CFAP70: variants seen among roughly 807,000 people sequenced by gnomAD.
The protein encoded by CFAP70 is cilia- and flagella-associated protein 70.
In CFAP70, 81 loss-of-function variants were observed where a neutral mutation model predicts 137.6. That is an observed-to-expected ratio of 0.59 (90% confidence interval 0.49 to 0.71). The LOEUF is 0.71. CFAP70 is among the 30% of genes least tolerant of loss of function. The pLI is 0.00. For synonymous variants in CFAP70, 382 were observed against 423.6 expected, an observed-to-expected ratio of 0.90 and a Z score of 1.20; for missense variants, 976 against 1,226.7, an observed-to-expected ratio of 0.80 and a Z score of 3.05.
chr10:73,336,650 C>A (rs2052700186), intron 6 of CFAP70, among the ~76,000 whole-genome samples: 1 of 141,072 alleles, frequency 7.1e-6, no homozygotes, highest in Admixed American at 7.6e-5. Flanking sequence ...GTGGCGCGAT[C>A]TCGGCTCACT....
intron 8 of CFAP70, among the ~76,000 whole-genome samples, chr10:73,329,855 T>C (rs764442298): frequency 1.3e-5 from 2 of 152,174 alleles, no homozygotes; most frequent in Admixed American, 6.6e-5. Context: ...TGTATTTATC[T>C]TGGTTCAAAA....
intron 19 of CFAP70, among the ~76,000 whole-genome samples, chr10:73,281,106 A>T (rs1043379111): frequency 1.3e-5 from 2 of 152,164 alleles, no homozygotes; most frequent in African/African-American, 4.8e-5. Context: ...TGCTATCATT[A>T]TCATTAAGTT....
Position 73,314,781 on chromosome 10 carries a change from T to C in CFAP70, c.913-2138A>G, listed in dbSNP as rs183456733. Among the ~76,000 whole-genome samples, 328 of 152,058 alleles carry C rather than the reference T, an allele frequency of 2.2e-3. 1 individual carries two copies. Among genetic ancestry groups the C allele is most frequent in the Middle Eastern group, 0.01 (3 of 292 alleles). Reference sequence around the variant, plus strand: ...GCCACCACCCCAGCTAATTTTTGTATTTTTTGTAAAGATAGGGTCTCACCA... The same window carrying C: ...GCCACCACCCCAGCTAATTTTTGTACTTTTTGTAAAGATAGGGTCTCACCA... On this transcript the variant is annotated intron_variant, in intron 9 of 26. Coordinates refer to ENST00000310715, the Ensembl canonical transcript of CFAP70.
At chr10:73,258,895 T>TG (rs2044823804) in intron 25 of CFAP70, among the ~76,000 whole-genome samples, 3 of 152,202 alleles carry the variant, frequency 2.0e-5, no homozygotes, top group Admixed American at 2.0e-4. Flanking sequence ...TCTCAAACCC[T>TG]GTCTCCTGAT....
chr10:73,325,617 G>A (rs1160646753), intron 8 of CFAP70, among the ~76,000 whole-genome samples: 1 of 152,004 alleles, frequency 6.6e-6, no homozygotes, highest in East Asian at 1.9e-4. Context: ...ACACACATAG[G>A]CTCAAAATAA....
At chr10:73,278,283 A>G in exon 20 of CFAP70, 1 of 1,614,022 alleles carries the variant, frequency 6.2e-7, no homozygotes, top group Non-Finnish European at 8.5e-7. Flanking sequence ...ATCAGACTGC[A>G]GTTTGGAGGA....
exon 23 of CFAP70, chr10:73,274,517 T>C (rs1214521560): frequency 1.2e-6 from 2 of 1,614,196 alleles, no homozygotes; most frequent in South Asian, 2.2e-5. Context: ...TAATGGTTCG[T>C]TCATAGCATG....
chr10:73,299,631 T>C, exon 13 of CFAP70: 1 of 1,613,074 alleles, frequency 6.2e-7, no homozygotes, highest in Non-Finnish European at 8.5e-7. Context: ...GTCCGACGGG[T>C]AAGAGGAGGC....
At chr10:73,253,856 G>A (rs769463293) in exon 27 of CFAP70, 37 of 681,458 alleles carry the variant, frequency 5.4e-5, no homozygotes, top group Non-Finnish European at 7.8e-5. Context: ...TAAATGAATG[G>A]GTCTCTGTTT....
At chr10:73,303,268 A>G (rs1318750345) in intron 12 of CFAP70, among the ~76,000 whole-genome samples, 2 of 151,976 alleles carry the variant, frequency 1.3e-5, no homozygotes, top group African/African-American at 4.8e-5. Flanking sequence ...CCCAGGCTGG[A>G]GTGCAGTGGC....
At chr10:73,356,489 G>A (rs1410942080) in intron 1 of CFAP70, among the ~76,000 whole-genome samples, 1 of 152,176 alleles carries the variant, frequency 6.6e-6, no homozygotes, top group African/African-American at 2.4e-5. Context: ...ATGAGCCACT[G>A]TGCCTGTTGA....
exon 6 of CFAP70, chr10:73,341,530 T>C (rs2053251436): frequency 1.2e-6 from 2 of 1,614,066 alleles, no homozygotes; most frequent in Non-Finnish European, 1.7e-6. Flanking sequence ...ACAGGTTCCC[T>C]TTCCCCTCCA....
chr10:73,333,815 G>A (rs957813009), intron 7 of CFAP70, among the ~76,000 whole-genome samples: 6 of 152,150 alleles, frequency 3.9e-5, no homozygotes, highest in African/African-American at 1.4e-4. Flanking sequence ...ATAAGAAAGA[G>A]CATCAGGAAA....
chr10:73,325,625 T>TA (rs1423956901), intron 8 of CFAP70, among the ~76,000 whole-genome samples: 1 of 151,776 alleles, frequency 6.6e-6, no homozygotes, highest in Non-Finnish European at 1.5e-5. Context: ...AGGCTCAAAA[T>TA]AAAAGGATGG....
At chr10:73,342,492 A>G (rs1418808939) in intron 5 of CFAP70, among the ~76,000 whole-genome samples, 1 of 152,074 alleles carries the variant, frequency 6.6e-6, no homozygotes, top group African/African-American at 2.4e-5. Context: ...ACTGTAATCT[A>G]TGATTGTGCC....
At chr10:73,362,647 T>G (rs3891988), upstream of CFAP70, among the ~76,000 whole-genome samples, 15,676 of 152,186 alleles carry the variant, frequency 0.1, 1,155 homozygotes, top group East Asian at 0.3. Flanking sequence ...TTTACTGAAT[T>G]TATTACTTCT....
rs1240005596 is a variant in CFAP70, at chr10:73,275,502, T to C, written c.2617A>G (p.Lys873Glu). ...TATTCCTCTGCCTTGGCAAAGTTCTTCTTAAGAATGTGTGTTTGGGCCAGC... is the reference window on the plus strand; with the variant it reads ...TATTCCTCTGCCTTGGCAAAGTTCTCCTTAAGAATGTGTGTTTGGGCCAGC... The change falls in exon 22 of 27, where the codon AAG (lysine) becomes GAG (glutamate). Residue 873 changes from lysine to glutamate, a missense_variant. Lys to Glu is a moderately conservative substitution (Grantham distance 56). Coordinates refer to ENST00000310715, the Ensembl canonical transcript of CFAP70. This position sits in a 1 kb window ranked among gnomAD's most constrained non-coding sequence, Gnocchi z 4.0. The C allele has an allele frequency of 6.2e-7, 1 of 1,611,858 alleles. No individual in the cohort carries two copies. The highest frequency in any genetic ancestry group is 1.3e-5 in the African/African-American group (1 of 74,768).
intron 1 of CFAP70, among the ~76,000 whole-genome samples, chr10:73,356,759 G>C (rs2054712862): frequency 6.6e-6 from 1 of 152,096 alleles, no homozygotes; most frequent in Non-Finnish European, 1.5e-5. Context: ...ATGCCCTTTT[G>C]TATCAGTCTT....
chr10:73,325,550 T>G (rs575067835), intron 8 of CFAP70, among the ~76,000 whole-genome samples: 7 of 152,136 alleles, frequency 4.6e-5, no homozygotes, highest in African/African-American at 1.7e-4. Flanking sequence ...GCAAATTGGA[T>G]AAAGAGTCAA....
Sources: gnomAD v4.1 joint callset for allele counts (sites outside exome capture counted in the v4.1 genomes callset) on GRCh38, gnomAD v4.1.1 for gene constraint, Gnocchi (gnomAD v3.1) non-coding constraint, MANE v1.5 for transcripts, NCBI Gene and HGNC (gene_info 2026-07-23, HGNC 2026-07-21) for gene names.